RHPN2: variants seen among roughly 807,000 people sequenced by gnomAD.
RHPN2 encodes the protein rhophilin Rho GTPase binding protein 2.
Under a neutral mutation model 79.0 loss-of-function variants are expected in RHPN2, and 40 were observed. The observed-to-expected ratio is 0.51, with a 90% CI of 0.39 to 0.66. The LOEUF is 0.66. Among genes scored for constraint, RHPN2 ranks in the 30% least tolerant of loss-of-function variants. The pLI is 0.00. For missense variants in RHPN2, 686 were observed against 883.5 expected (o/e 0.78, Z 2.83); for synonymous variants, 285 against 363.5 (o/e 0.78, Z 2.46).
intron 4 of RHPN2, among the ~76,000 whole-genome samples, chr19:33,013,258 G>A (rs1028188738): frequency 6.7e-6 from 1 of 149,414 alleles, no homozygotes; most frequent in African/African-American, 2.5e-5. Context: ...GCAATCTTGC[G>A]ATCTCGGCTC....
At chr19:33,060,286 T>C (rs1368945928) in intron 1 of RHPN2, among the ~76,000 whole-genome samples, 2 of 151,902 alleles carry the variant, frequency 1.3e-5, no homozygotes, top group Non-Finnish European at 2.9e-5. Flanking sequence ...GGTGGGACCA[T>C]AGCTGGGTGC....
chr19:33,023,680 G>A (rs1971942904), intron 3 of RHPN2, among the ~76,000 whole-genome samples: 1 of 151,364 alleles, frequency 6.6e-6, no homozygotes. Context: ...AGCTACTCGG[G>A]AGGCTGAGGC....
chr19:33,043,310 C>T lies in RHPN2; in HGVS notation c.185+939G>A, dbSNP rs149985276. ...TCGCGCCTGTAATTCCAGCACTTTG[C>T]GAGGTGGAGGCAGACGGATCACTTG... On this transcript the variant is annotated intron_variant, in intron 2 of 14. Transcript: ENST00000254260. Among the ~76,000 whole-genome samples, 898 of 152,108 alleles carry T rather than the reference C, an allele frequency of 5.9e-3. 6 individuals carry two copies. Among genetic ancestry groups the T allele is most frequent in the African/African-American group, 0.021 (867 of 41,522 alleles).
intron 4 of RHPN2, among the ~76,000 whole-genome samples, chr19:33,020,818 A>G (rs1474655994): frequency 6.6e-6 from 1 of 152,162 alleles, no homozygotes; most frequent in East Asian, 1.9e-4. Context: ...ATTACTTTCA[A>G]TGGAAAAACT....
chr19:33,022,384 G>A (rs1174691054), intron 3 of RHPN2, among the ~76,000 whole-genome samples: 1 of 151,558 alleles, frequency 6.6e-6, no homozygotes. Flanking sequence ...CACCTCCTCT[G>A]CCCCCCTCAG....
At chr19:33,001,580 G>T (rs946611222) in intron 9 of RHPN2, among the ~76,000 whole-genome samples, 2 of 151,872 alleles carry the variant, frequency 1.3e-5, no homozygotes, top group Non-Finnish European at 2.9e-5. Flanking sequence ...GATCATCACA[G>T]ATTTTTTTTG....
intron 12 of RHPN2, 31 bp downstream of exon 12, chr19:32,993,946 G>C (rs764135212): frequency 6.5e-7 from 1 of 1,529,250 alleles, no homozygotes; most frequent in Non-Finnish European, 9.1e-7. Context: ...GTCCCCTTAG[G>C]TCATTTGAAT....
chr19:33,045,655 G>T (rs776487996), intron 1 of RHPN2, among the ~76,000 whole-genome samples: 3 of 152,040 alleles, frequency 2.0e-5, no homozygotes, highest in Admixed American at 6.6e-5. Flanking sequence ...TGTATTTTTA[G>T]TAGAGACAGG....
At chr19:33,064,205 G>A in intron 1 of RHPN2, among the ~76,000 whole-genome samples, 1 of 151,984 alleles carries the variant, frequency 6.6e-6, no homozygotes, top group Admixed American at 6.6e-5. Context: ...GCGAGGTGGC[G>A]CGCCTGCAGT....
intron 1 of RHPN2, among the ~76,000 whole-genome samples, chr19:33,062,305 A>T (rs1972286550): frequency 6.6e-6 from 1 of 151,940 alleles, no homozygotes; most frequent in Non-Finnish European, 1.5e-5. Flanking sequence ...TACTAAAAAT[A>T]CAAAAGTTAG....
At chr19:32,989,324 G>T (rs55647248) in intron 14 of RHPN2, among the ~76,000 whole-genome samples, 13,840 of 152,090 alleles carry the variant, frequency 0.091, 685 homozygotes, top group South Asian at 0.23. Flanking sequence ...GGTCAGGCTG[G>T]TCTTCAACTC....
intron 4 of RHPN2, among the ~76,000 whole-genome samples, chr19:33,015,285 C>T (rs1052235120): frequency 1.1e-4 from 16 of 152,122 alleles, no homozygotes; most frequent in African/African-American, 3.6e-4. Context: ...ATTAACCAGG[C>T]ATGCTGGCAG....
At chr19:33,009,503 T>C (rs1481904137) in intron 6 of RHPN2, among the ~76,000 whole-genome samples, 1 of 152,194 alleles carries the variant, frequency 6.6e-6, no homozygotes, top group Non-Finnish European at 1.5e-5. Flanking sequence ...TAGGCTGGAG[T>C]GCGGTGGCAT....
At chr19:33,011,416 G>C (rs967432412) in intron 6 of RHPN2, among the ~76,000 whole-genome samples, 1 of 152,124 alleles carries the variant, frequency 6.6e-6, no homozygotes, top group Non-Finnish European at 1.5e-5. Flanking sequence ...GATACAACGA[G>C]CAAGAAAAAT....
chr19:33,030,616 T>C (rs1213618991), intron 2 of RHPN2, among the ~76,000 whole-genome samples: 1 of 152,012 alleles, frequency 6.6e-6, no homozygotes, highest in Non-Finnish European at 1.5e-5. Context: ...AAGAAATACA[T>C]TTTATTTTAC....
chr19:33,050,772 G>A (rs772929444), intron 1 of RHPN2, among the ~76,000 whole-genome samples: 2 of 151,948 alleles, frequency 1.3e-5, no homozygotes, highest in Non-Finnish European at 1.5e-5. Context: ...TCCACCTCCC[G>A]GGCTCAAGCG....
At chr19:33,001,535 AAAAT>A (rs1971748979) in intron 9 of RHPN2, among the ~76,000 whole-genome samples, 1 of 152,058 alleles carries the variant, frequency 6.6e-6, no homozygotes. Context: ...ACAATAAAAT[AAAAT>A]AAATAAAATA....
rs577722327 is a variant in RHPN2 at position 32,996,106 on chromosome 19, T to C, written c.1340A>G (p.Gln447Arg). The C allele has an allele frequency of 3.7e-6, 6 of 1,614,054 alleles. No individual in the cohort carries two copies. In the African/African-American group the frequency reaches 5.3e-5, roughly 14 times the overall value. The change falls in exon 11 of 15, where the codon CAG becomes CGG. Residue 447 changes from glutamine to arginine, a missense_variant. Transcript: ENST00000254260. The part of the protein sequence containing the change: ...EVLQKVLCAA[Q>R]ERSRLTYAQH... ...GGCGTACGTGAGCCGGGAGCGTTCC[T>C]GTGCGGCACACAGCACCTTCTGTAG...
chr19:33,021,464 C>G, intron 4 of RHPN2, 107 bp downstream of exon 4: 1 of 893,590 alleles, frequency 1.1e-6, no homozygotes, highest in Non-Finnish European at 1.8e-6. Context: ...TCAAGCGATC[C>G]TCTTGCCTCA....
Sources: gnomAD v4.1 joint callset for allele counts (sites outside exome capture counted in the v4.1 genomes callset) on GRCh38, gnomAD v4.1.1 for gene constraint, MANE v1.5 for transcripts, NCBI Gene and HGNC (gene_info 2026-07-23, HGNC 2026-07-21) for gene names.